GRID2: variants seen among roughly 807,000 people sequenced by gnomAD.
GRID2 encodes the protein glutamate receptor ionotropic, delta-2.
GRID2 carries 33 observed loss-of-function variants against 114.8 expected under a neutral mutation model. The ratio of observed to expected loss-of-function variants is 0.29; its 90% CI spans 0.22 to 0.38. GRID2 has a LOEUF of 0.38. GRID2 is among the 10% of genes least tolerant of loss of function. The pLI is 1.00. For missense variants in GRID2, 1,184 were observed against 1,257.7 expected (o/e 0.94, Z 0.89); for synonymous variants, 505 against 449.9 (o/e 1.12, Z -1.55).
chr4:93,725,071 T>A (rs1252695079), intron 14 of GRID2, among the ~76,000 whole-genome samples: 1 of 152,166 alleles, frequency 6.6e-6, no homozygotes, highest in Non-Finnish European at 1.5e-5. Flanking sequence ...GCCATGTTGG[T>A]GTGCTGCACC....
chr4:92,314,870 T>C (rs1320796540), intron 1 of GRID2, among the ~76,000 whole-genome samples: 1 of 152,266 alleles, frequency 6.6e-6, no homozygotes, highest in South Asian at 2.1e-4. Context: ...CAGGGCAAAG[T>C]TTATCATTGC....
intron 2 of GRID2, among the ~76,000 whole-genome samples, chr4:92,740,028 T>C (rs1005606507): frequency 2.0e-5 from 3 of 152,156 alleles, no homozygotes; most frequent in Admixed American, 6.6e-5. Flanking sequence ...AATTTCAATA[T>C]AGAATAATAT....
chr4:93,286,994 A>G lies in GRID2; in HGVS notation c.1245+48504A>G, dbSNP rs910253327. On this transcript the variant is annotated intron_variant, in intron 8 of 15. Transcript: ENST00000282020. ...TTCTTAAGGTGAGAAAAATGATAGT[A>G]TTATTGTGAAATCAAGGTAAGAAAA... 5.3e-5 allele frequency among the ~76,000 whole-genome samples: 8 copies of G among 152,096 alleles called. No individual in the cohort carries two copies. In the East Asian group the frequency reaches 1.5e-3, roughly 29 times the overall value.
intron 8 of GRID2, among the ~76,000 whole-genome samples, chr4:93,294,317 C>T (rs1193755627): frequency 6.6e-6 from 1 of 152,088 alleles, no homozygotes; most frequent in African/African-American, 2.4e-5. Context: ...ATTGAAGGAA[C>T]TTTGGCTTTT....
chr4:93,333,194 A>G (rs1213052111), intron 8 of GRID2, among the ~76,000 whole-genome samples: 1 of 151,986 alleles, frequency 6.6e-6, no homozygotes, highest in East Asian at 1.9e-4. Context: ...AACTCATTCT[A>G]GAGTAGCACT....
intron 1 of GRID2, among the ~76,000 whole-genome samples, chr4:92,494,860 A>T (rs957901484): frequency 4.6e-5 from 7 of 152,050 alleles, no homozygotes; most frequent in Non-Finnish European, 7.4e-5. Flanking sequence ...TTTTAATAAA[A>T]TACAAAGAAA....
chr4:92,699,851 TAATA>T (rs1466147799), intron 2 of GRID2, among the ~76,000 whole-genome samples: 2 of 152,192 alleles, frequency 1.3e-5, no homozygotes, highest in South Asian at 2.1e-4. Context: ...ATTTTTGGAT[TAATA>T]AAAGCCCTTT....
rs1209087377 is a variant in GRID2 at position 92,607,324 on chromosome 4, T to G, written c.244+17038T>G. 2.0e-5 allele frequency among the ~76,000 whole-genome samples: 3 copies of G among 151,984 alleles called. No individual in the cohort carries two copies. The East Asian group carries it at 5.8e-4, about 29-fold the overall frequency. On this transcript the variant is annotated intron_variant, in intron 2 of 15. Transcript: ENST00000282020. Reference sequence around the variant, plus strand: ...AAAATGTCTTCTTTTAAGCCTCTACTTTGGTTAAGGAAGTTGATGAATCAG... The same window carrying G: ...AAAATGTCTTCTTTTAAGCCTCTACGTTGGTTAAGGAAGTTGATGAATCAG...
Position 92,944,870 on chromosome 4 carries a change from A to G in GRID2, c.245-140125A>G, listed in dbSNP as rs79657583. ...TTACTGTCCAAAGGGCAAACCTTAT[A>G]TATTTTAAATGTATAGCTTCTAATG... On this transcript the variant is annotated intron_variant, in intron 2 of 15. Transcript: ENST00000282020. 8.2e-3 allele frequency among the ~76,000 whole-genome samples: 1,254 copies of G among 152,302 alleles called. 19 individuals carry two copies. The highest frequency in any genetic ancestry group is 0.029 in the African/African-American group (1,200 of 41,574).
intron 11 of GRID2, among the ~76,000 whole-genome samples, chr4:93,458,982 C>A (rs1723466038): frequency 1.3e-5 from 2 of 151,760 alleles, no homozygotes; most frequent in Admixed American, 6.6e-5. Flanking sequence ...GAGTTCGAGA[C>A]CAGCCCGGCC....
Position 92,363,684 on chromosome 4 carries a change from A to G in GRID2, c.88+58940A>G, listed in dbSNP as rs373863664. On this transcript the variant is annotated intron_variant, in intron 1 of 15. Transcript: ENST00000282020. ...ATTTTATACTGAATTGAAATAACATACTATGTTCCTAAAATATCATATGGA... is the reference window on the plus strand; with the variant it reads ...ATTTTATACTGAATTGAAATAACATGCTATGTTCCTAAAATATCATATGGA... Among the ~76,000 whole-genome samples, 5 of 151,972 alleles carry G rather than the reference A, an allele frequency of 3.3e-5. No individual in the cohort carries two copies. The East Asian group carries it at 5.8e-4, about 18-fold the overall frequency.
At chr4:93,477,486 C>A (rs751861406) in intron 11 of GRID2, among the ~76,000 whole-genome samples, 1 of 152,050 alleles carries the variant, frequency 6.6e-6, no homozygotes, top group East Asian at 1.9e-4. Context: ...TACTACCAAG[C>A]CTTTCGACCA....
intron 2 of GRID2, among the ~76,000 whole-genome samples, chr4:92,988,256 A>G (rs982409166): frequency 1.3e-5 from 2 of 151,988 alleles, no homozygotes; most frequent in African/African-American, 2.4e-5. Context: ...GGAAGCATCA[A>G]CTCTTAAGCT....
At chr4:93,301,562 A>G (rs1304185207) in intron 8 of GRID2, among the ~76,000 whole-genome samples, 5 of 152,266 alleles carry the variant, frequency 3.3e-5, no homozygotes, top group African/African-American at 1.2e-4. Flanking sequence ...GATAATATCA[A>G]AAAAACAGAA....
At chr4:93,324,781 A>C (rs1036316094) in intron 8 of GRID2, among the ~76,000 whole-genome samples, 3 of 152,128 alleles carry the variant, frequency 2.0e-5, no homozygotes, top group African/African-American at 7.2e-5. Flanking sequence ...GTATGTTTCC[A>C]GGAATTTATC....
chr4:93,769,849 C>T (rs1253338201), intron 15 of GRID2, among the ~76,000 whole-genome samples: 1 of 152,090 alleles, frequency 6.6e-6, no homozygotes, highest in Non-Finnish European at 1.5e-5. Context: ...CTAAGACTAG[C>T]CCCCCAAAAA....
chr4:93,259,548 A>C (rs1303220236), intron 8 of GRID2, among the ~76,000 whole-genome samples: 1 of 151,902 alleles, frequency 6.6e-6, no homozygotes, highest in Non-Finnish European at 1.5e-5. Context: ...AGAGATTTTC[A>C]AAGCCAAGTG....
chr4:93,032,026 A>C (rs1413663324), intron 2 of GRID2, among the ~76,000 whole-genome samples: 1 of 152,196 alleles, frequency 6.6e-6, no homozygotes, highest in Non-Finnish European at 1.5e-5. Context: ...GGGCACCAGC[A>C]ACCTATAATT....
intron 13 of GRID2, among the ~76,000 whole-genome samples, chr4:93,521,907 AAG>A (rs2149499415): frequency 6.6e-6 from 1 of 152,258 alleles, no homozygotes; most frequent in Admixed American, 6.5e-5. Flanking sequence ...ATTTTGCTGA[AAG>A]AAAATGCTGA....
Sources: gnomAD v4.1 joint callset for allele counts (sites outside exome capture counted in the v4.1 genomes callset) on GRCh38, gnomAD v4.1.1 for gene constraint, MANE v1.5 for transcripts, NCBI Gene and HGNC (gene_info 2026-07-23, HGNC 2026-07-21) for gene names.